The following UNC13C variants were observed in gnomAD, a reference collection of about 807,000 sequenced individuals.
UNC13C encodes the protein protein unc-13 homolog C.
Under a neutral mutation model 245.4 loss-of-function variants are expected in UNC13C, and 174 were observed. The observed-to-expected ratio is 0.71, with a 90% confidence interval of 0.63 to 0.80. The LOEUF (loss-of-function observed/expected upper bound fraction) is 0.80. UNC13C is among the 30% of genes least tolerant of loss of function. The pLI is 0.00. For synonymous variants in UNC13C, 992 were observed against 895.1 expected, an observed-to-expected ratio of 1.11 and a Z score of -1.93; for missense variants, 2,829 against 2,602.9, an observed-to-expected ratio of 1.09 and a Z score of -1.89.
chr15:53,991,923 A>G (rs1170127099), intron 1 of UNC13C, among the ~76,000 whole-genome samples: 1 of 152,060 alleles, frequency 6.6e-6, no homozygotes, highest in African/African-American at 2.4e-5. Flanking sequence ...TACTTATCTC[A>G]CTGGTGAATG....
At chr15:54,245,021 G>T (rs1291170755) in intron 7 of UNC13C, among the ~76,000 whole-genome samples, 2 of 152,126 alleles carry the variant, frequency 1.3e-5, no homozygotes, top group Non-Finnish European at 2.9e-5. Context: ...AGTGGTAACA[G>T]AGGGCATCCT....
chr15:53,994,236 A>G (rs919516146), intron 1 of UNC13C, among the ~76,000 whole-genome samples: 3 of 131,944 alleles, frequency 2.3e-5, no homozygotes, highest in Non-Finnish European at 3.2e-5. Context: ...TAAATTCCTT[A>G]CTGGCAGCAT....
chr15:54,490,155 T>C (rs1220060299), intron 19 of UNC13C, among the ~76,000 whole-genome samples: 1 of 152,170 alleles, frequency 6.6e-6, no homozygotes, highest in East Asian at 1.9e-4. Context: ...TTTTCTAATG[T>C]TTTTTCCCAG....
At chr15:54,055,639 C>T (rs190360506) in intron 2 of UNC13C, among the ~76,000 whole-genome samples, 14 of 152,234 alleles carry the variant, frequency 9.2e-5, no homozygotes, top group African/African-American at 2.4e-4. Context: ...ATTACTTCTC[C>T]GGGTTGTTTC....
chr15:54,347,773 C>T (rs2038891184), intron 17 of UNC13C, among the ~76,000 whole-genome samples: 1 of 152,154 alleles, frequency 6.6e-6, no homozygotes, highest in Non-Finnish European at 1.5e-5. Flanking sequence ...GATACATACA[C>T]ACACACATGC....
intron 18 of UNC13C, among the ~76,000 whole-genome samples, chr15:54,394,307 G>C (rs1406509419): frequency 6.6e-6 from 1 of 151,640 alleles, no homozygotes; most frequent in Non-Finnish European, 1.5e-5. Flanking sequence ...TATCAAGTTT[G>C]CCCTTTCACT....
At chr15:54,213,355 A>ATTTTATAT (rs2034945026) in intron 4 of UNC13C, among the ~76,000 whole-genome samples, 1 of 152,036 alleles carries the variant, frequency 6.6e-6, no homozygotes, top group Non-Finnish European at 1.5e-5. Flanking sequence ...GGAAAAGTAT[A>ATTTTATAT]TTTTATATAG....
chr15:54,246,333 T>C (rs1436836472), intron 7 of UNC13C, among the ~76,000 whole-genome samples: 1 of 152,168 alleles, frequency 6.6e-6, no homozygotes, highest in African/African-American at 2.4e-5. Context: ...CTTACTCATT[T>C]CTACAGGTAA....
At chr15:54,375,056 T>C (rs2039576350) in intron 17 of UNC13C, among the ~76,000 whole-genome samples, 1 of 152,248 alleles carries the variant, frequency 6.6e-6, no homozygotes, top group African/African-American at 2.4e-5. Flanking sequence ...CATGTTTCTC[T>C]AAACAGTCCT....
chr15:54,051,833 C>T (rs928699679), intron 2 of UNC13C, among the ~76,000 whole-genome samples: 1 of 147,868 alleles, frequency 6.8e-6, no homozygotes, highest in African/African-American at 2.5e-5. Context: ...CATATGTATA[C>T]ATGTGCCATG....
intron 19 of UNC13C, among the ~76,000 whole-genome samples, chr15:54,440,903 A>G (rs147026855): frequency 0.03 from 4,527 of 152,086 alleles, 182 homozygotes; most frequent in Admixed American, 0.12. Context: ...CATTTCCCTG[A>G]TGATTAGTGA....
At chr15:54,268,889 C>A (rs974416509) in intron 10 of UNC13C, among the ~76,000 whole-genome samples, 6 of 152,076 alleles carry the variant, frequency 3.9e-5, no homozygotes, top group African/African-American at 1.2e-4. Flanking sequence ...CTCAAGGGGA[C>A]CCCTGTGCAG....
chr15:54,112,359 T>G (rs966595591), intron 2 of UNC13C, among the ~76,000 whole-genome samples: 51 of 151,780 alleles, frequency 3.4e-4, no homozygotes, highest in African/African-American at 1.2e-3. Context: ...AGTGCATGGG[T>G]TTTTATAGAC....
intron 26 of UNC13C, among the ~76,000 whole-genome samples, chr15:54,543,347 A>G (rs566383503): frequency 1.3e-5 from 2 of 152,252 alleles, no homozygotes; most frequent in Non-Finnish European, 2.9e-5. Context: ...AAAAAGAGGG[A>G]AAGATCTAAA....
At chr15:54,085,360 G>C (rs1046294999) in intron 2 of UNC13C, among the ~76,000 whole-genome samples, 16 of 152,068 alleles carry the variant, frequency 1.1e-4, no homozygotes, top group African/African-American at 3.9e-4. Context: ...TTAGAGTCCA[G>C]AGTCTTACAA....
intron 1 of UNC13C, among the ~76,000 whole-genome samples, chr15:54,000,753 A>G (rs1359660531): frequency 1.3e-5 from 2 of 152,100 alleles, no homozygotes; most frequent in East Asian, 1.9e-4. Flanking sequence ...TATAAAGAAT[A>G]CTTTGTGAAC....
chr15:53,950,339 C>G, the UNC13C span, among the ~76,000 whole-genome samples: 1 of 152,086 alleles, frequency 6.6e-6, no homozygotes, highest in Admixed American at 6.6e-5. Context: ...CAGAGAAGAT[C>G]TTCATTTTTA....
the UNC13C span, among the ~76,000 whole-genome samples, chr15:53,928,939 A>G: frequency 6.6e-6 from 1 of 152,356 alleles, no homozygotes; most frequent in South Asian, 2.1e-4. Flanking sequence ...TGATTACATC[A>G]TGACAAGAGT....
chr15:53,980,996 A>C (rs2140945818), intron 1 of UNC13C, among the ~76,000 whole-genome samples: 1 of 152,300 alleles, frequency 6.6e-6, no homozygotes, highest in South Asian at 2.1e-4. Flanking sequence ...AAAACACACC[A>C]AATGTATGTT....
Sources: allele counts gnomAD v4.1 joint callset (sites outside exome capture counted in the v4.1 genomes callset), GRCh38; gene constraint gnomAD v4.1.1; transcripts MANE v1.5; gene names NCBI Gene and HGNC (gene_info 2026-07-23, HGNC 2026-07-21).